Variants in RHBDL2 observed in about 807,000 individuals in gnomAD.
RHBDL2 encodes rhomboid-related protein 2.
RHBDL2 carries 26 observed loss-of-function variants against 31.7 expected under a neutral mutation model. That is an observed-to-expected ratio of 0.82 (90% CI 0.60 to 1.14). The LOEUF (loss-of-function observed/expected upper bound fraction) is 1.14, where lower values mean the gene tolerates loss of function less well. Among genes scored for constraint, RHBDL2 ranks in the 50% most tolerant of loss-of-function variants. The pLI is 0.00. For missense variants in RHBDL2, 336 were observed against 364.4 expected, an observed-to-expected ratio of 0.92 and a Z score of 0.63; for synonymous variants, 123 against 127.2, an observed-to-expected ratio of 0.97 and a Z score of 0.22.
At chr1:38,913,157 AT>A (rs1167283804) in intron 3 of RHBDL2, among the ~76,000 whole-genome samples, 1 of 150,444 alleles carries the variant, frequency 6.6e-6, no homozygotes, top group Non-Finnish European at 1.5e-5. Context: ...TAATTTTTGT[AT>A]TTTTACTAGA....
At chr1:38,930,461 A>C (rs1160860162) in intron 1 of RHBDL2, among the ~76,000 whole-genome samples, 3 of 152,180 alleles carry the variant, frequency 2.0e-5, no homozygotes, top group African/African-American at 7.2e-5. Context: ...AACATATTAC[A>C]TATATTTGTG....
chr1:38,908,866 G>A (rs1016605984), intron 4 of RHBDL2, among the ~76,000 whole-genome samples: 3 of 152,216 alleles, frequency 2.0e-5, no homozygotes, highest in Non-Finnish European at 2.9e-5. Flanking sequence ...CTTGCCTGAT[G>A]TACAGGAAGA....
At chr1:38,893,404 G>A (rs1642878084) in intron 5 of RHBDL2, among the ~76,000 whole-genome samples, 180 bp from the exon 6 acceptor site, 1 of 152,066 alleles carries the variant, frequency 6.6e-6, no homozygotes, top group South Asian at 2.1e-4. Flanking sequence ...ATGCACTTTG[G>A]AGAATAAAAT....
chr1:38,889,485 T>C (rs530710728), intron 6 of RHBDL2, among the ~76,000 whole-genome samples: 2 of 152,144 alleles, frequency 1.3e-5, no homozygotes, highest in Admixed American at 1.3e-4. Flanking sequence ...GCTGGAAAAA[T>C]ACTATTGTAG....
At chr1:38,933,410 T>C (rs1432363045) in intron 1 of RHBDL2, among the ~76,000 whole-genome samples, 1 of 152,204 alleles carries the variant, frequency 6.6e-6, no homozygotes, top group African/African-American at 2.4e-5. Context: ...CCAGCACTTA[T>C]CATTATCTAA....
chr1:38,929,508 A>T, intron 1 of RHBDL2: 2 of 1,289,446 alleles, frequency 1.6e-6, no homozygotes, highest in Non-Finnish European at 2.0e-6. Flanking sequence ...GCCTAGCTGC[A>T]TTCAAACAGG....
chr1:38,894,259 T>C (rs756278024), intron 5 of RHBDL2, among the ~76,000 whole-genome samples: 3 of 152,216 alleles, frequency 2.0e-5, no homozygotes, highest in Non-Finnish European at 4.4e-5. Context: ...CTTTTCTTAG[T>C]GATTTCTATA....
chr1:38,931,356 C>G (rs1643436747), intron 1 of RHBDL2, among the ~76,000 whole-genome samples: 4 of 151,954 alleles, frequency 2.6e-5, no homozygotes, highest in Admixed American at 2.6e-4. Context: ...CCCGTCTCTA[C>G]TAAAAATACA....
At chr1:38,936,995 T>C (rs1643518092) in intron 1 of RHBDL2, among the ~76,000 whole-genome samples, 1 of 150,634 alleles carries the variant, frequency 6.6e-6, no homozygotes, top group South Asian at 2.1e-4. Context: ...TCACCCAGGC[T>C]GGAGTGCAGT....
chr1:38,904,480 AAG>A (rs1259208441), intron 4 of RHBDL2, among the ~76,000 whole-genome samples: 2 of 136,388 alleles, frequency 1.5e-5, no homozygotes, highest in African/African-American at 6.0e-5. Flanking sequence ...TCAAAAAAAA[AAG>A]AAAAAAAAAA....
At chr1:38,904,603 C>T (rs1464075685) in intron 4 of RHBDL2, among the ~76,000 whole-genome samples, 2 of 151,318 alleles carry the variant, frequency 1.3e-5, no homozygotes, top group Non-Finnish European at 2.9e-5. Context: ...CCAGTGCAGA[C>T]GATCACTTGA....
rs182146321 is a variant in RHBDL2 at position 38,929,345 on chromosome 1, G to T, written c.-125-10008C>A. ...CTAGGTGGACACAAGCGTCCAGGAC[G>T]GGAAAAGGATTTGCCTCTTTGAGAA... On this transcript the variant is annotated intron_variant, in intron 1 of 7. Coordinates refer to ENST00000372990, the MANE Select transcript of RHBDL2 (RefSeq NM_017821.5). The T allele has an allele frequency of 9.7e-6, 12 of 1,240,460 alleles. 1 individual carries two copies. In the East Asian group the frequency reaches 6.2e-4, roughly 64 times the overall value. The allele number at this position is 1,240,460 out of a possible 1,614,324, so 76.8% of individuals were successfully genotyped here.
At chr1:38,939,616 G>T (rs1158005459) in intron 1 of RHBDL2, among the ~76,000 whole-genome samples, 37 of 152,148 alleles carry the variant, frequency 2.4e-4, no homozygotes, top group Non-Finnish European at 5.9e-5. Flanking sequence ...TGCCGCCACT[G>T]CACTCCAGCC....
chr1:38,919,207 A>AG lies in RHBDL2; in HGVS notation c.5dup (p.Ala3CysfsTer4). On this transcript the variant is annotated frameshift_variant, in exon 2 of 8. Transcript: ENST00000372990. LOFTEE classifies it high-confidence loss of function. The stretch of plus-strand genomic sequence containing the variant: ...TCTCCATCTCCAGATCATGAACAGC[A>AG]GCCATTGTCCTGGGTCCTCCCTCCT... The AG allele has an allele frequency of 1.2e-6, 2 of 1,614,108 alleles. No individual in the cohort carries two copies. Among genetic ancestry groups the AG allele is most frequent in the Non-Finnish European group, 1.7e-6 (2 of 1,180,036 alleles).
intron 2 of RHBDL2, among the ~76,000 whole-genome samples, chr1:38,916,971 GA>G (rs1405022018): frequency 4.7e-5 from 7 of 150,256 alleles, no homozygotes; most frequent in Non-Finnish European, 1.5e-5. Flanking sequence ...GGAAATGTAG[GA>G]TATAAACAAT....
chr1:38,910,335 T>C (rs1020102547), intron 4 of RHBDL2, among the ~76,000 whole-genome samples: 4 of 152,220 alleles, frequency 2.6e-5, no homozygotes, highest in South Asian at 2.1e-4. Context: ...GATGTCACCA[T>C]TGGGGATCGC....
At chr1:38,924,736 T>C (rs1180312918) in intron 1 of RHBDL2, among the ~76,000 whole-genome samples, 3 of 150,350 alleles carry the variant, frequency 2.0e-5, no homozygotes, top group East Asian at 1.9e-4. Flanking sequence ...CTCAGGACAA[T>C]TGACTACCTT....
At chr1:38,936,690 G>A (rs1170845210) in intron 1 of RHBDL2, among the ~76,000 whole-genome samples, 2 of 151,722 alleles carry the variant, frequency 1.3e-5, no homozygotes, top group Admixed American at 1.3e-4. Flanking sequence ...AGTAGAGATG[G>A]GGTTTCACCA....
chr1:38,939,005 C>T (rs963064145), intron 1 of RHBDL2, among the ~76,000 whole-genome samples: 11 of 152,258 alleles, frequency 7.2e-5, no homozygotes, highest in Middle Eastern at 6.8e-3. Flanking sequence ...AGGTGCTGAA[C>T]GAACAGGATT....
Sources: gnomAD v4.1 joint callset for allele counts (sites outside exome capture counted in the v4.1 genomes callset) on GRCh38, gnomAD v4.1.1 for gene constraint, MANE v1.5 for transcripts, NCBI Gene and HGNC (gene_info 2026-07-23, HGNC 2026-07-21) for gene names.